BTG4: variants seen among roughly 807,000 people sequenced by gnomAD.
BTG4 encodes the protein protein BTG4.
In BTG4, 10 loss-of-function variants were observed where a neutral mutation model predicts 19.3. That is an observed-to-expected ratio of 0.52 (90% CI 0.32 to 0.88). BTG4 has a LOEUF of 0.88. BTG4 is among the 40% of genes least tolerant of loss of function. The pLI is 0.04. For synonymous variants in BTG4, 91 were observed against 95.7 expected (o/e 0.95, Z 0.29); for missense variants, 238 against 281.9 (o/e 0.84, Z 1.11).
the BTG4 span, among the ~76,000 whole-genome samples, chr11:111,410,860 C>T: frequency 2.6e-5 from 4 of 152,184 alleles, no homozygotes; most frequent in Non-Finnish European, 5.9e-5. Flanking sequence ...CTAAGTTTCT[C>T]GGACAAAAAA....
chr11:111,394,111 A>G, the BTG4 span, among the ~76,000 whole-genome samples: 2 of 152,352 alleles, frequency 1.3e-5, no homozygotes, highest in East Asian at 3.9e-4. Context: ...AGAAATGGCC[A>G]TTGTATTACT....
chr11:111,447,923 T>C, the BTG4 span, among the ~76,000 whole-genome samples: 2 of 152,160 alleles, frequency 1.3e-5, no homozygotes, highest in Admixed American at 1.3e-4. Flanking sequence ...TGTTTTCTCA[T>C]AGTGTTGCTG....
chr11:111,506,599 A>C (rs1866471487), intron 1 of BTG4, among the ~76,000 whole-genome samples: 1 of 152,098 alleles, frequency 6.6e-6, no homozygotes, highest in African/African-American at 2.4e-5. Flanking sequence ...AACAAACAAG[A>C]ATATGTACCC....
chr11:111,425,642 C>A, the BTG4 span, among the ~76,000 whole-genome samples: 2 of 151,984 alleles, frequency 1.3e-5, no homozygotes, highest in African/African-American at 4.8e-5. Context: ...AAAATCAGAG[C>A]AGTAGGTAGG....
intron 1 of BTG4, among the ~76,000 whole-genome samples, chr11:111,500,835 C>T (rs745725868): frequency 2.0e-5 from 3 of 152,128 alleles, no homozygotes; most frequent in Non-Finnish European, 4.4e-5. Flanking sequence ...CACAGACTCA[C>T]ATTGAATTTG....
intron 1 of BTG4, among the ~76,000 whole-genome samples, chr11:111,509,699 A>AC (rs1484817069): frequency 1.3e-5 from 2 of 151,622 alleles, no homozygotes; most frequent in African/African-American, 4.9e-5. Context: ...TCCATCTCAA[A>AC]AAAAAACAAA....
chr11:111,432,698 A>G, the BTG4 span, among the ~76,000 whole-genome samples: 1 of 152,292 alleles, frequency 6.6e-6, no homozygotes, highest in African/African-American at 2.4e-5. Flanking sequence ...GGTCAAATAA[A>G]GTTTTGTTCT....
chr11:111,408,531 A>T, the BTG4 span, among the ~76,000 whole-genome samples: 1 of 152,194 alleles, frequency 6.6e-6, no homozygotes. Flanking sequence ...TGCACCATTC[A>T]AGAGAGGGTT....
chr11:111,513,342 C>G (rs570832847), upstream of BTG4: 8 of 520,536 alleles, frequency 1.5e-5, no homozygotes, highest in South Asian at 1.1e-4. Flanking sequence ...GAGTATTCAC[C>G]AAGCTAGCAA....
the BTG4 span, among the ~76,000 whole-genome samples, chr11:111,426,185 C>T: frequency 6.6e-6 from 1 of 152,034 alleles, no homozygotes; most frequent in South Asian, 2.1e-4. Flanking sequence ...TCAGTGTCTT[C>T]CCACAATGAG....
the BTG4 span, chr11:111,453,532 A>G: frequency 2.2e-6 from 1 of 456,662 alleles, no homozygotes; most frequent in Non-Finnish European, 4.4e-6. Context: ...GTCAATAAGG[A>G]GAGGCCGATC....
the BTG4 span, among the ~76,000 whole-genome samples, chr11:111,435,410 G>A: frequency 6.6e-6 from 1 of 152,200 alleles, no homozygotes; most frequent in Non-Finnish European, 1.5e-5. Context: ...GTTTCCCCAG[G>A]AGGCTGCACC....
At chr11:111,497,966 T>C (rs1186710291) in intron 3 of BTG4, 32 bp downstream of exon 3, 1 of 1,604,424 alleles carries the variant, frequency 6.2e-7, no homozygotes, top group Non-Finnish European at 8.5e-7. Flanking sequence ...TTTCCAGGTA[T>C]CACACAGCAC....
the BTG4 span, among the ~76,000 whole-genome samples, chr11:111,397,271 G>C: frequency 7.2e-5 from 11 of 152,058 alleles, no homozygotes; most frequent in Non-Finnish European, 1.3e-4. Flanking sequence ...TCCTTCAATT[G>C]CCCTTCCAAT....
chr11:111,417,212 C>T, the BTG4 span: 1 of 152,230 alleles, frequency 6.6e-6, no homozygotes, highest in Non-Finnish European at 1.5e-5. Flanking sequence ...CAACATTTTA[C>T]CAGCCCTGAT....
intron 5 of BTG4, among the ~76,000 whole-genome samples, chr11:111,475,813 T>A (rs1220096875): frequency 6.6e-6 from 1 of 152,114 alleles, no homozygotes; most frequent in Non-Finnish European, 1.5e-5. Flanking sequence ...GGAAAGAGGT[T>A]TAATTGACTC....
chr11:111,443,800 G>A, the BTG4 span, among the ~76,000 whole-genome samples: 13 of 152,322 alleles, frequency 8.5e-5, no homozygotes, highest in African/African-American at 2.9e-4. Flanking sequence ...ACAAGTGTAG[G>A]GCAGCAATCA....
chr11:111,509,634 T>G (rs1866719128), intron 1 of BTG4, among the ~76,000 whole-genome samples: 1 of 151,710 alleles, frequency 6.6e-6, no homozygotes, highest in Non-Finnish European at 1.5e-5. Flanking sequence ...AGACAGAGGT[T>G]GCAGTGAGCC....
the BTG4 span, among the ~76,000 whole-genome samples, chr11:111,458,906 C>T: frequency 6.6e-6 from 1 of 152,196 alleles, no homozygotes; most frequent in African/African-American, 2.4e-5. Flanking sequence ...AAACTAACCC[C>T]TCCCTGCCAC....
Sources: allele counts gnomAD v4.1 joint callset (sites outside exome capture counted in the v4.1 genomes callset), GRCh38; gene constraint gnomAD v4.1.1; transcripts MANE v1.5; gene names NCBI Gene and HGNC (gene_info 2026-07-23, HGNC 2026-07-21).